The following TSBP1 variants were observed in gnomAD, a reference collection of about 807,000 sequenced individuals.
TSBP1 encodes testis-expressed basic protein 1.
A neutral mutation model predicts 68.8 loss-of-function variants in TSBP1; 56 were observed. The observed-to-expected ratio is 0.81, with a 90% CI of 0.66 to 1.02. The LOEUF (loss-of-function observed/expected upper bound fraction) is 1.02, where lower values mean the gene tolerates loss of function less well. Among genes scored for constraint, TSBP1 ranks in the 50% least tolerant of loss-of-function variants. TSBP1 has a pLI of 0.00. For missense variants in TSBP1, 502 were observed against 641.2 expected, an observed-to-expected ratio of 0.78 and a Z score of 2.34; for synonymous variants, 171 against 208.7, an observed-to-expected ratio of 0.82 and a Z score of 1.56.
intron 18 of TSBP1, among the ~76,000 whole-genome samples, 197 bp from the exon 20 acceptor site, chr6:32,322,703 T>C (rs1338353753): frequency 1.3e-5 from 2 of 152,184 alleles, no homozygotes; most frequent in East Asian, 1.9e-4. Context: ...TTAGCAGTGA[T>C]GATGTAATGA....
At chr6:32,323,710 T>C in intron 16 of TSBP1, 96 bp from the exon 18 acceptor site, 1 of 1,057,626 alleles carries the variant, frequency 9.5e-7, no homozygotes, top group East Asian at 2.5e-5. Context: ...ATTATAACAA[T>C]AGGGAAAACT....
intron 21 of TSBP1, 148 bp downstream of exon 24, chr6:32,300,532 T>C (rs758673979): frequency 8.5e-6 from 6 of 701,822 alleles, no homozygotes; most frequent in Non-Finnish European, 1.3e-5. Flanking sequence ...ATAAGAAGAA[T>C]TAAAATTGAA....
chr6:32,318,427 C>A (rs993264443), intron 18 of TSBP1, among the ~76,000 whole-genome samples: 1 of 152,130 alleles, frequency 6.6e-6, no homozygotes. Flanking sequence ...ACAAACTGCA[C>A]ATGTATCCCT....
chr6:32,317,404 A>G (rs1767078221), intron 18 of TSBP1, among the ~76,000 whole-genome samples: 1 of 152,166 alleles, frequency 6.6e-6, no homozygotes, highest in African/African-American at 2.4e-5. Context: ...ATGGGCAAAA[A>G]TTTCATGATG....
intron 19 of TSBP1, among the ~76,000 whole-genome samples, chr6:32,312,317 C>T (rs544232700): frequency 5.9e-5 from 9 of 152,220 alleles, no homozygotes; most frequent in Non-Finnish European, 1.5e-5. Flanking sequence ...GGAATTATAA[C>T]AACGGTGGGA....
intron 15 of TSBP1, among the ~76,000 whole-genome samples, chr6:32,331,747 CA>C (rs5875357): frequency 0.13 from 19,792 of 152,166 alleles, 1,487 homozygotes; most frequent in Non-Finnish European, 0.17. Flanking sequence ...TAAGTACCCC[CA>C]GCCTGTAAGC....
At chr6:32,368,664 C>T (rs1774032921) in intron 3 of TSBP1, 118 bp downstream of exon 3, 2 of 1,061,970 alleles carry the variant, frequency 1.9e-6, no homozygotes, top group Non-Finnish European at 2.7e-6. Flanking sequence ...TCAGTTCATG[C>T]AATGGTGCAC....
At chr6:32,334,814 A>G (rs1366417450) in intron 14 of TSBP1, among the ~76,000 whole-genome samples, 1 of 152,152 alleles carries the variant, frequency 6.6e-6, no homozygotes, top group African/African-American at 2.4e-5. Flanking sequence ...CGGGCGGATC[A>G]CGAGGTCAGG....
chr6:32,356,398 T>C (rs577195608), intron 6 of TSBP1, among the ~76,000 whole-genome samples: 20 of 152,274 alleles, frequency 1.3e-4, no homozygotes, highest in African/African-American at 4.8e-4. Flanking sequence ...CATTCTCTGT[T>C]TTATAATAAT....
rs1338319167 is a variant in TSBP1 at position 32,335,133 on chromosome 6, G to C, written c.472+304C>G. On this transcript the variant is annotated intron_variant, in intron 14 of 22. Coordinates refer to ENST00000612031, the Ensembl canonical transcript of TSBP1. This position sits in a 1 kb window ranked among gnomAD's most constrained non-coding sequence, Gnocchi z 5.5. ...ATTTGCATGGAAAGCACAGCAGGAA[G>C]TTTAGGTGCTGGGTTCTAAGTCTTT... Among the ~76,000 whole-genome samples, 1 of 152,178 alleles carries C rather than the reference G, an allele frequency of 6.6e-6. No individual in the cohort carries two copies. The highest frequency in any genetic ancestry group is 1.5e-5 in the Non-Finnish European group (1 of 68,040).
chr6:32,294,467 G>C (rs1414028603), intron 22 of TSBP1, among the ~76,000 whole-genome samples: 1 of 152,144 alleles, frequency 6.6e-6, no homozygotes, highest in African/African-American at 2.4e-5. Flanking sequence ...ATCTTATTAT[G>C]CAAAAGTAAT....
At chr6:32,344,021 T>C (rs551427329) in intron 9 of TSBP1, among the ~76,000 whole-genome samples, 1 of 151,076 alleles carries the variant, frequency 6.6e-6, no homozygotes, top group East Asian at 1.9e-4. Flanking sequence ...TTGTCTTACA[T>C]TGACTGTTAA....
At chr6:32,371,023 C>T (rs1009603797) in intron 1 of TSBP1, among the ~76,000 whole-genome samples, 4 of 152,182 alleles carry the variant, frequency 2.6e-5, no homozygotes, top group African/African-American at 9.6e-5. Context: ...TATAATAACA[C>T]ACCTCCAACC....
chr6:32,309,527 A>G (rs1766156186), intron 19 of TSBP1, among the ~76,000 whole-genome samples: 1 of 152,016 alleles, frequency 6.6e-6, no homozygotes, highest in Non-Finnish European at 1.5e-5. Context: ...TGCTGATTGT[A>G]TCTTATGGGT....
chr6:32,304,656 T>C lies in TSBP1; in HGVS notation c.581-2027A>G, dbSNP rs9268166. ...CTAATAGTTAAAGGTTACTAATTTA[T>C]GTTCTCTCTTCATCGTCTTTTTTGT... On this transcript the variant is annotated intron_variant, in intron 19 of 22. Transcript: ENST00000612031. This position sits in a 1 kb window ranked among gnomAD's most constrained non-coding sequence, Gnocchi z 4.8. 0.21 allele frequency among the ~76,000 whole-genome samples: 31,897 copies of C among 152,024 alleles called. 3,504 individuals carry two copies. The highest frequency in any genetic ancestry group is 0.22 in the East Asian group (1,148 of 5,178).
chr6:32,320,052 G>C (rs1767439032), intron 18 of TSBP1: 6 of 434,090 alleles, frequency 1.4e-5, no homozygotes, highest in Non-Finnish European at 2.8e-5. Context: ...GGGCTTGTGA[G>C]GTATCACTCA....
intron 22 of TSBP1, among the ~76,000 whole-genome samples, chr6:32,294,728 G>A (rs1313236151): frequency 2.0e-5 from 3 of 152,124 alleles, no homozygotes; most frequent in Non-Finnish European, 4.4e-5. Flanking sequence ...GATCATTACT[G>A]TAGACTACTT....
At position 32,335,185 on chromosome 6, in the gene TSBP1, A is replaced by G. The variant is rs1278450655; in HGVS notation, c.472+252T>C. Among the ~76,000 whole-genome samples the G allele has an allele frequency of 5.9e-5, 9 of 152,262 alleles. No individual in the cohort carries two copies. The East Asian group carries it at 1.5e-3, about 26-fold the overall frequency. On this transcript the variant is annotated intron_variant, in intron 14 of 22. Transcript: ENST00000612031. This position sits in a 1 kb window ranked among gnomAD's most constrained non-coding sequence, Gnocchi z 5.5. ...TTAAGTATTGGCTCTACAGAGCTAG[A>G]TTATATGCTGAAGTGGAAACAGCTT... is the stretch of plus-strand genomic sequence containing the variant.
intron 6 of TSBP1, among the ~76,000 whole-genome samples, chr6:32,362,299 A>AAAAAG (rs1562188714): frequency 6.6e-6 from 1 of 150,940 alleles, no homozygotes; most frequent in Non-Finnish European, 1.5e-5. Flanking sequence ...AAAAAAAAAA[A>AAAAAG]AAAAAAGAAG....
Sources: allele counts gnomAD v4.1 joint callset (sites outside exome capture counted in the v4.1 genomes callset), GRCh38; gene constraint gnomAD v4.1.1; non-coding constraint Gnocchi (gnomAD v3.1); transcripts MANE v1.5; gene names NCBI Gene and HGNC (gene_info 2026-07-23, HGNC 2026-07-21).